The following SSBP2 variants were observed in gnomAD, a reference collection of about 807,000 sequenced individuals.
SSBP2 encodes the protein single-stranded DNA-binding protein 2.
Under a neutral mutation model 61.8 loss-of-function variants are expected in SSBP2, and 17 were observed. The ratio of observed to expected loss-of-function variants is 0.28; its 90% CI spans 0.19 to 0.41. The LOEUF (loss-of-function observed/expected upper bound fraction) is 0.41, where lower values mean the gene tolerates loss of function less well. Among genes scored for constraint, SSBP2 ranks in the 10% least tolerant of loss-of-function variants. The probability of loss-of-function intolerance (pLI) is 1.00; values close to 1 mark genes in which losing one functional copy is unlikely to be tolerated. For synonymous variants in SSBP2, 139 were observed against 141.3 expected (o/e 0.98, Z 0.12); for missense variants, 310 against 458.7 (o/e 0.68, Z 2.96).
At chr5:81,612,020 A>T (rs1357890249) in intron 4 of SSBP2, among the ~76,000 whole-genome samples, 1 of 152,146 alleles carries the variant, frequency 6.6e-6, no homozygotes, top group Non-Finnish European at 1.5e-5. Flanking sequence ...AAAGGGAAAA[A>T]ATAAAGCAAA....
chr5:81,706,782 G>A (rs1754423426), intron 1 of SSBP2, among the ~76,000 whole-genome samples: 1 of 152,130 alleles, frequency 6.6e-6, no homozygotes, highest in African/African-American at 2.4e-5. Flanking sequence ...AAACAAAACA[G>A]AGCTAGGTAC....
chr5:81,472,197 T>A (rs1765292827), intron 8 of SSBP2, among the ~76,000 whole-genome samples: 1 of 152,164 alleles, frequency 6.6e-6, no homozygotes, highest in African/African-American at 2.4e-5. Flanking sequence ...AATTTAAAAT[T>A]CTGGATTTTA....
At chr5:81,500,013 G>A (rs1348353692) in intron 5 of SSBP2, among the ~76,000 whole-genome samples, 2 of 152,138 alleles carry the variant, frequency 1.3e-5, no homozygotes, top group African/African-American at 4.8e-5. Context: ...AGAGATAACA[G>A]CATTTGTTAA....
intron 6 of SSBP2, among the ~76,000 whole-genome samples, chr5:81,484,123 C>G (rs1000081724): frequency 5.3e-5 from 8 of 152,152 alleles, no homozygotes; most frequent in Admixed American, 1.3e-4. Flanking sequence ...ACAAGTATCT[C>G]TTGAATGATT....
chr5:81,642,069 T>C (rs556162461), intron 2 of SSBP2, among the ~76,000 whole-genome samples: 1 of 152,356 alleles, frequency 6.6e-6, no homozygotes, highest in East Asian at 1.9e-4. Context: ...AGTTTAATTT[T>C]GTTTTTTAGC....
At chr5:81,726,883 T>C (rs1002599788) in intron 1 of SSBP2, among the ~76,000 whole-genome samples, 8 of 152,176 alleles carry the variant, frequency 5.3e-5, no homozygotes, top group African/African-American at 1.9e-4. Context: ...CCACAGCTGC[T>C]CCATGAGGTT....
At chr5:81,470,115 A>T (rs944923852) in intron 8 of SSBP2, among the ~76,000 whole-genome samples, 1 of 151,484 alleles carries the variant, frequency 6.6e-6, no homozygotes, top group Non-Finnish European at 1.5e-5. Flanking sequence ...CCATTTTTCC[A>T]CTCCAAGTAT....
chr5:81,508,567 A>G (rs1038151080), intron 5 of SSBP2, among the ~76,000 whole-genome samples: 1 of 152,188 alleles, frequency 6.6e-6, no homozygotes, highest in Admixed American at 6.5e-5. Flanking sequence ...GACACTAAAG[A>G]CTGCCTTCCA....
chr5:81,608,284 T>A (rs948861785), intron 4 of SSBP2, among the ~76,000 whole-genome samples: 6 of 152,126 alleles, frequency 3.9e-5, no homozygotes, highest in African/African-American at 1.4e-4. Flanking sequence ...TTCTTCTTCA[T>A]TCTCATTCAT....
At chr5:81,458,733 T>C (rs112382713) in intron 10 of SSBP2, among the ~76,000 whole-genome samples, 61 of 152,334 alleles carry the variant, frequency 4.0e-4, no homozygotes, top group African/African-American at 1.1e-3. Flanking sequence ...TTTGGATAAG[T>C]TGTCACCACA....
chr5:81,571,301 C>A (rs1185718468), intron 4 of SSBP2, among the ~76,000 whole-genome samples: 1 of 151,954 alleles, frequency 6.6e-6, no homozygotes. Context: ...TTTTCTCTTT[C>A]TTTTCTTTAT....
At chr5:81,449,787 G>C (rs1763647536) in intron 10 of SSBP2, among the ~76,000 whole-genome samples, 1 of 151,892 alleles carries the variant, frequency 6.6e-6, no homozygotes, top group African/African-American at 2.4e-5. Flanking sequence ...TCCTTATTTG[G>C]TGTTCTTGCT....
At chr5:81,653,887 T>C (rs1225184541) in intron 1 of SSBP2, among the ~76,000 whole-genome samples, 1 of 152,186 alleles carries the variant, frequency 6.6e-6, no homozygotes, top group Non-Finnish European at 1.5e-5. Context: ...AATTATCACC[T>C]CTGTGTATAG....
At chr5:81,724,067 A>G (rs183399301) in intron 1 of SSBP2, among the ~76,000 whole-genome samples, 1 of 152,160 alleles carries the variant, frequency 6.6e-6, no homozygotes, top group African/African-American at 2.4e-5. Flanking sequence ...GCAAAAACTA[A>G]TTACTAAAAA....
At chr5:81,643,116 A>C (rs1748938248) in intron 2 of SSBP2, among the ~76,000 whole-genome samples, 1 of 152,200 alleles carries the variant, frequency 6.6e-6, no homozygotes, top group South Asian at 2.1e-4. Context: ...GCAGGAGATC[A>C]AAAAACAGGA....
chr5:81,577,770 CT>C (rs1284474212), intron 4 of SSBP2, among the ~76,000 whole-genome samples: 2 of 151,750 alleles, frequency 1.3e-5, no homozygotes, highest in African/African-American at 2.4e-5. Context: ...ATTATTACAT[CT>C]TTTTTTCTAC....
intron 3 of SSBP2, among the ~76,000 whole-genome samples, chr5:81,616,774 C>T (rs1325542959): frequency 6.6e-6 from 1 of 151,420 alleles, no homozygotes; most frequent in Admixed American, 6.6e-5. Flanking sequence ...CAGACTGCCT[C>T]CTCAAGTGGG....
chr5:81,710,713 G>A (rs1581397559), intron 1 of SSBP2: 1 of 455,012 alleles, frequency 2.2e-6, no homozygotes, highest in South Asian at 1.6e-5. Context: ...TGAGGGCTGA[G>A]GGGATCACAA....
intron 14 of SSBP2, among the ~76,000 whole-genome samples, chr5:81,438,041 A>C (rs1161066564): frequency 6.6e-6 from 1 of 152,164 alleles, no homozygotes; most frequent in Admixed American, 6.5e-5. Flanking sequence ...AATCAATATG[A>C]ATTTCTTTTC....
Sources: allele counts gnomAD v4.1 joint callset (sites outside exome capture counted in the v4.1 genomes callset), GRCh38; gene constraint gnomAD v4.1.1; transcripts MANE v1.5; gene names NCBI Gene and HGNC (gene_info 2026-07-23, HGNC 2026-07-21).